SNRPB: variants seen among roughly 807,000 people sequenced by gnomAD.
The protein encoded by SNRPB is small nuclear ribonucleoprotein-associated proteins B and B'.
Under a neutral mutation model 26.6 loss-of-function variants are expected in SNRPB, and 5 were observed. The ratio of observed to expected loss-of-function variants is 0.19; its 90% CI spans 0.10 to 0.39. The LOEUF is 0.39. Ranked by LOEUF, SNRPB falls within the 10% of genes least tolerant of loss-of-function variation. The pLI is 1.00. For missense variants in SNRPB, 211 were observed against 311.9 expected (o/e 0.68, Z 2.44); for synonymous variants, 122 against 105.8 (o/e 1.15, Z -0.94).
chr20:2,470,694 G>A lies in SNRPB; in HGVS notation c.-4C>T, dbSNP rs1466524727. The A allele has an allele frequency of 1.2e-6, 2 of 1,613,588 alleles. No homozygotes were observed. Among genetic ancestry groups the A allele is most frequent in the Admixed American group, 1.7e-5 (1 of 60,028 alleles). On this transcript the variant is annotated 5_prime_UTR_variant, in exon 1 of 7. Transcript: ENST00000381342. ...CAGCCTGTGCCCTCCTTACCATGGT[G>A]GCGGTTCTGATGGCTCTGATACCCG...
At chr20:2,462,177 G>A (rs2085039272) in intron 6 of SNRPB, among the ~76,000 whole-genome samples, 1 of 152,158 alleles carries the variant, frequency 6.6e-6, no homozygotes, top group Admixed American at 6.5e-5. Flanking sequence ...ATCTTATAGG[G>A]AAAGAACACT....
rs113975444 is a variant in SNRPB at position 2,464,775 on chromosome 20, C to T, written c.268-876G>A. On this transcript the variant is annotated intron_variant, in intron 3 of 6. Coordinates refer to ENST00000381342, the MANE Select transcript of SNRPB (RefSeq NM_003091.4). ...ATCCCCGCTACTCGGGAGGCTGAGGCAGGAGAATCACTTGAACCCGGGAGG... is the reference window on the plus strand; with the variant it reads ...ATCCCCGCTACTCGGGAGGCTGAGGTAGGAGAATCACTTGAACCCGGGAGG... Among the ~76,000 whole-genome samples, 1,403 of 151,782 alleles carry T rather than the reference C, an allele frequency of 9.2e-3. 28 individuals carry two copies. Among genetic ancestry groups the T allele is most frequent in the African/African-American group, 0.032 (1,342 of 41,294 alleles).
At position 2,461,717 on chromosome 20, in the gene SNRPB, C is replaced by A. The variant is rs190642168; in HGVS notation, c.*212G>T. 16 of 1,485,628 alleles carry A rather than the reference C, an allele frequency of 1.1e-5. No homozygotes were observed. The African/African-American group carries it at 1.8e-4, about 17-fold the overall frequency. 92.0% of individuals were successfully genotyped at this position (1,485,628 alleles called of 1,614,324 possible). A position where few individuals can be genotyped will look rare whatever the true frequency, so the allele number is the denominator to read the frequency against. On this transcript the variant is annotated 3_prime_UTR_variant, in exon 7 of 7. Transcript: ENST00000381342. ...GATAAAAGGACTATGTACAGCCTTA[C>A]GGGAAACAGGCAGGGAGCTGAGGAG...
chr20:2,465,390 C>CTTT (rs1222595485), intron 3 of SNRPB, among the ~76,000 whole-genome samples: 1,413 of 122,240 alleles, frequency 0.012, 31 homozygotes, highest in African/African-American at 0.04. Context: ...AGGGTAACCT[C>CTTT]TTTTTTTTTT....
At chr20:2,462,020 C>T in intron 6 of SNRPB, 81 bp from the exon 7 acceptor site, 1 of 986,448 alleles carries the variant, frequency 1.0e-6, no homozygotes, top group South Asian at 1.4e-5. Context: ...CCACGCCCTG[C>T]AGTAATCGAG....
At chr20:2,468,607 G>C (rs2085089364) in intron 1 of SNRPB, among the ~76,000 whole-genome samples, 1 of 152,128 alleles carries the variant, frequency 6.6e-6, no homozygotes, top group African/African-American at 2.4e-5. Flanking sequence ...ACAAAGTTCT[G>C]AACCTGCAAA....
intron 2 of SNRPB, chr20:2,467,113 A>G (rs1198723267): frequency 3.2e-6 from 1 of 312,010 alleles, no homozygotes; most frequent in East Asian, 1.0e-4. Flanking sequence ...GTAGCAAAGT[A>G]GACAATATCT....
rs775880373 is a variant in SNRPB at position 2,467,630 on chromosome 20, G to A, written c.132C>T (p.Asp44=). The change falls in exon 2 of 7, where the codon GAC becomes GAT. Residue 44 remains aspartate (D), a synonymous_variant. Coordinates refer to ENST00000381342, the MANE Select transcript of SNRPB (RefSeq NM_003091.4). ...ACTTGATCTTTCTGAACTCATCACAGTCACAGAGGATCAAATTCATGTGCT... is the reference window on the plus strand; with the variant it reads ...ACTTGATCTTTCTGAACTCATCACAATCACAGAGGATCAAATTCATGTGCT... ...FDKHMNLILC[D]CDEFRKIKPK... is the part of the protein sequence containing the mutation. The A allele has an allele frequency of 5.0e-6, 8 of 1,614,028 alleles. No homozygotes were observed.
rs1246615452 is a variant in SNRPB at position 2,463,669 on chromosome 20, C to A, written c.420+78G>T. 9.1e-7 allele frequency: 1 copy of A among 1,101,368 alleles called. No individual in the cohort carries two copies. Among genetic ancestry groups the A allele is most frequent in the African/African-American group, 1.6e-5 (1 of 63,638 alleles). The allele number at this position is 1,101,368 out of a possible 1,614,324, so 68.2% of individuals were successfully genotyped here. On this transcript the variant is annotated intron_variant, in intron 4 of 6. Coordinates refer to ENST00000381342, the MANE Select transcript of SNRPB (RefSeq NM_003091.4). This position sits in a 1 kb window ranked among gnomAD's most constrained non-coding sequence, Gnocchi z 5.0. ...CAATCACAGGTTGGTCACTCTGGAC[C>A]CTTTTAAAACTATGGACCCTCCCCT...
intron 3 of SNRPB, among the ~76,000 whole-genome samples, chr20:2,464,677 T>C (rs939466068): frequency 6.6e-6 from 1 of 152,192 alleles, no homozygotes; most frequent in Non-Finnish European, 1.5e-5. Context: ...ATGTGGATTT[T>C]TAAAAAGTTA....
At chr20:2,465,619 G>GT in intron 3 of SNRPB, 89 bp downstream of exon 3, 1 of 886,138 alleles carries the variant, frequency 1.1e-6, no homozygotes, top group Non-Finnish European at 1.8e-6. Flanking sequence ...GAGGATGCCT[G>GT]TGAGAACTGC....
chr20:2,466,789 G>A (rs146083028), intron 2 of SNRPB, among the ~76,000 whole-genome samples: 283 of 152,252 alleles, frequency 1.9e-3, no homozygotes, highest in African/African-American at 6.6e-3. Context: ...ACGCTCATCT[G>A]TTGGCCCCTC....
chr20:2,469,838 C>G (rs1214702839), intron 1 of SNRPB, among the ~76,000 whole-genome samples: 1 of 152,180 alleles, frequency 6.6e-6, no homozygotes, highest in Admixed American at 6.5e-5. Flanking sequence ...CCTCCAGCAA[C>G]TTTTTCTCAG....
chr20:2,468,602 G>T (rs973004543), intron 1 of SNRPB, among the ~76,000 whole-genome samples: 1 of 152,166 alleles, frequency 6.6e-6, no homozygotes. Context: ...AGACAACAAA[G>T]TTCTGAACCT....
intron 2 of SNRPB, 150 bp from the exon 3 acceptor site, chr20:2,465,969 C>A: frequency 1.6e-6 from 1 of 624,496 alleles, no homozygotes; most frequent in South Asian, 1.9e-5. Context: ...TCTCTACAGG[C>A]TGAACACATA....
At chr20:2,462,514 G>A in intron 6 of SNRPB, 122 bp downstream of exon 6, 2 of 938,008 alleles carry the variant, frequency 2.1e-6, no homozygotes, top group Non-Finnish European at 3.5e-6. Context: ...TTTCCTTTCT[G>A]GATTTCCCTA....
At chr20:2,468,529 G>T (rs1369038717) in intron 1 of SNRPB, among the ~76,000 whole-genome samples, 1 of 152,170 alleles carries the variant, frequency 6.6e-6, no homozygotes, top group African/African-American at 2.4e-5. Context: ...CAGTCTGACT[G>T]CTATACCCAA....
Position 2,461,645 on chromosome 20 carries a change from T to C in SNRPB, c.*284A>G. 1 of 688,302 alleles carries C rather than the reference T, an allele frequency of 1.5e-6. No homozygotes were observed. Among genetic ancestry groups the C allele is most frequent in the Non-Finnish European group, 2.4e-6 (1 of 423,466 alleles). The allele number at this position is 688,302 out of a possible 1,614,324, so 42.6% of individuals were successfully genotyped here. A position where few individuals can be genotyped will look rare whatever the true frequency, so the allele number is the denominator to read the frequency against. On this transcript the variant is annotated 3_prime_UTR_variant, in exon 7 of 7. Coordinates refer to ENST00000381342, the MANE Select transcript of SNRPB (RefSeq NM_003091.4). The stretch of plus-strand genomic sequence containing the variant: ...TAAAGATCCATAGGTGCAATTATAA[T>C]GTTCTCTTAAGAGTTTATTATAAAC...
chr20:2,465,446 G>A (rs900173488), intron 3 of SNRPB, among the ~76,000 whole-genome samples: 6 of 140,782 alleles, frequency 4.3e-5, no homozygotes, highest in African/African-American at 1.1e-4. Context: ...ATGGGGTCTC[G>A]CTATATTGCC....
Sources: allele counts gnomAD v4.1 joint callset (sites outside exome capture counted in the v4.1 genomes callset), GRCh38; gene constraint gnomAD v4.1.1; non-coding constraint Gnocchi (gnomAD v3.1); transcripts MANE v1.5; gene names NCBI Gene and HGNC (gene_info 2026-07-23, HGNC 2026-07-21).